ZNF521: variants seen among roughly 807,000 people sequenced by gnomAD.
ZNF521 encodes the protein zinc finger protein 521, also known as LYST-interacting protein 3.
A neutral mutation model predicts 105.5 loss-of-function variants in ZNF521; 14 were observed. That is an observed-to-expected ratio of 0.13 (90% CI 0.09 to 0.21). The LOEUF is 0.21. Among genes scored for constraint, ZNF521 ranks in the 10% least tolerant of loss-of-function variants. The pLI, the probability that ZNF521 is intolerant of heterozygous loss-of-function variation, is 1.00. For synonymous variants in ZNF521, 635 were observed against 606.0 expected (o/e 1.05, Z -0.70); for missense variants, 1,233 against 1,629.7 (o/e 0.76, Z 4.19).
chr18:25,138,870 A>G (rs565099796), intron 5 of ZNF521, among the ~76,000 whole-genome samples: 3 of 152,260 alleles, frequency 2.0e-5, no homozygotes, highest in African/African-American at 7.2e-5. Context: ...ACCCACGAAC[A>G]CTGCCTTACT....
At chr18:25,187,436 T>A (rs763553182) in intron 5 of ZNF521, among the ~76,000 whole-genome samples, 3 of 151,870 alleles carry the variant, frequency 2.0e-5, no homozygotes, top group Non-Finnish European at 4.4e-5. Flanking sequence ...TTTTTTTTTT[T>A]AATTCTGTTG....
intron 3 of ZNF521, among the ~76,000 whole-genome samples, chr18:25,272,409 A>T (rs145516752): frequency 0.015 from 2,310 of 152,194 alleles, 53 homozygotes; most frequent in East Asian, 0.083. Context: ...ATCCCATTAC[A>T]AGGTATATAC....
At chr18:25,090,951 T>G (rs1051046110) in intron 6 of ZNF521, among the ~76,000 whole-genome samples, 1 of 152,176 alleles carries the variant, frequency 6.6e-6, no homozygotes, top group Non-Finnish European at 1.5e-5. Flanking sequence ...GATGGAATTA[T>G]TGAATGAAGG....
At chr18:25,295,423 G>A (rs1194864481) in intron 3 of ZNF521, among the ~76,000 whole-genome samples, 1 of 152,060 alleles carries the variant, frequency 6.6e-6, no homozygotes, top group African/African-American at 2.4e-5. Flanking sequence ...GATGACTATA[G>A]TCAAAAATAA....
At chr18:25,078,449 A>T (rs2033415237) in intron 7 of ZNF521, among the ~76,000 whole-genome samples, 1 of 152,198 alleles carries the variant, frequency 6.6e-6, no homozygotes, top group Non-Finnish European at 1.5e-5. Flanking sequence ...TGCAGGATGA[A>T]CGAGACGATG....
Position 25,297,841 on chromosome 18 carries a change from T to G in ZNF521, c.220+24167A>C, listed in dbSNP as rs138593624. On this transcript the variant is annotated intron_variant, in intron 3 of 7. Transcript: ENST00000361524. ...CTGAGATGAGTTTCAAATACTTCCC[T>G]TTTTATTATAACAATCTTCATAAAT... Among the ~76,000 whole-genome samples, 602 of 152,322 alleles carry G rather than the reference T, an allele frequency of 4.0e-3. 5 individuals carry two copies. The highest frequency in any genetic ancestry group is 0.014 in the African/African-American group (570 of 41,582).
At chr18:25,339,143 A>G (rs1366613208) in intron 2 of ZNF521, among the ~76,000 whole-genome samples, 1 of 152,220 alleles carries the variant, frequency 6.6e-6, no homozygotes, top group Admixed American at 6.5e-5. Context: ...AACTGAAAGA[A>G]CACTATTGTT....
chr18:25,299,732 C>A (rs1302594159), intron 3 of ZNF521, among the ~76,000 whole-genome samples: 1 of 152,130 alleles, frequency 6.6e-6, no homozygotes, highest in African/African-American at 2.4e-5. Flanking sequence ...TACAAGGGAA[C>A]AAAAGACTAC....
At chr18:25,334,811 C>T (rs892002267) in intron 2 of ZNF521, among the ~76,000 whole-genome samples, 40 of 152,148 alleles carry the variant, frequency 2.6e-4, no homozygotes, top group African/African-American at 8.7e-4. Context: ...TGCAGGCCTC[C>T]CCAGCTTCCC....
At chr18:25,154,129 G>T (rs2035099963) in intron 5 of ZNF521, among the ~76,000 whole-genome samples, 1 of 152,148 alleles carries the variant, frequency 6.6e-6, no homozygotes, top group Non-Finnish European at 1.5e-5. Context: ...GGGTATCCTG[G>T]ATGGAAAGAA....
intron 3 of ZNF521, among the ~76,000 whole-genome samples, chr18:25,259,436 A>G (rs920432838): frequency 3.0e-4 from 46 of 152,188 alleles, no homozygotes; most frequent in Non-Finnish European, 4.4e-4. Context: ...ACAAATATGT[A>G]CACTGTGATG....
At position 25,092,136 on chromosome 18, in the gene ZNF521, C is replaced by T. The variant is rs1381076397; in HGVS notation, c.3659-55G>A. 17 of 1,600,428 alleles carry T rather than the reference C, an allele frequency of 1.1e-5. No individual in the cohort carries two copies. The East Asian group carries it at 3.8e-4, about 36-fold the overall frequency. On this transcript the variant is annotated intron_variant, in intron 5 of 7. Transcript: ENST00000361524. ...ATGAAAACCTGTCATATCTTTAATA[C>T]ACTAGAGAGTTATCTTTAATTGCAT...
chr18:25,186,050 G>T (rs1331821640), intron 5 of ZNF521, among the ~76,000 whole-genome samples: 1 of 152,150 alleles, frequency 6.6e-6, no homozygotes, highest in Non-Finnish European at 1.5e-5. Context: ...TAATATGACT[G>T]AAAAGAGAGA....
intron 3 of ZNF521, among the ~76,000 whole-genome samples, chr18:25,264,142 C>T (rs1030930986): frequency 1.3e-5 from 2 of 152,130 alleles, no homozygotes; most frequent in Non-Finnish European, 2.9e-5. Context: ...ACTTTCTAAA[C>T]TCTTTGGACC....
intron 6 of ZNF521, 43 bp downstream of exon 6, chr18:25,091,907 G>A: frequency 6.2e-7 from 1 of 1,605,196 alleles, no homozygotes; most frequent in Non-Finnish European, 8.5e-7. Flanking sequence ...GACATGATGT[G>A]GCCATCAGCC....
intron 5 of ZNF521, among the ~76,000 whole-genome samples, chr18:25,119,678 A>AT (rs1001406421): frequency 4.6e-5 from 7 of 152,130 alleles, no homozygotes; most frequent in African/African-American, 1.7e-4. Context: ...CAGCTAACAC[A>AT]TTTTTTAGAA....
chr18:25,309,309 TAGA>T (rs1912164948), intron 3 of ZNF521, among the ~76,000 whole-genome samples: 1 of 152,228 alleles, frequency 6.6e-6, no homozygotes, highest in African/African-American at 2.4e-5. Context: ...TGATTGAGGT[TAGA>T]AGATGGTATT....
At chr18:25,335,852 G>A (rs1913849378) in intron 2 of ZNF521, among the ~76,000 whole-genome samples, 1 of 152,234 alleles carries the variant, frequency 6.6e-6, no homozygotes, top group South Asian at 2.1e-4. Context: ...AGGTCAACCA[G>A]CGAGCGCGGA....
intron 5 of ZNF521, among the ~76,000 whole-genome samples, chr18:25,111,207 T>C (rs2034183304): frequency 6.6e-6 from 1 of 152,130 alleles, no homozygotes; most frequent in East Asian, 1.9e-4. Context: ...CTACTTGGCC[T>C]TCCCTGCAAA....
Sources: allele counts gnomAD v4.1 joint callset (sites outside exome capture counted in the v4.1 genomes callset), GRCh38; gene constraint gnomAD v4.1.1; transcripts MANE v1.5; gene names NCBI Gene and HGNC (gene_info 2026-07-23, HGNC 2026-07-21).